CYP3A4: variants seen among roughly 807,000 people sequenced by gnomAD.
The protein encoded by CYP3A4 is cytochrome P450 3A4.
Under a neutral mutation model 54.9 loss-of-function variants are expected in CYP3A4, and 41 were observed. The ratio of observed to expected loss-of-function variants is 0.75; its 90% confidence interval spans 0.58 to 0.97. The LOEUF is 0.97. CYP3A4 is among the 50% of genes least tolerant of loss of function. The pLI is 0.00. For missense variants in CYP3A4, 510 were observed against 597.3 expected (o/e 0.85, Z 1.52); for synonymous variants, 179 against 205.2 (o/e 0.87, Z 1.09).
In CYP3A4 at chr7:99,767,157, C is replaced by A. The variant is rs1815495815; in HGVS notation, c.772G>T (p.Glu258Ter). 2 of 1,611,408 alleles carry A rather than the reference C, an allele frequency of 1.2e-6. No individual in the cohort carries two copies. Among genetic ancestry groups the A allele is most frequent in the African/African-American group, 1.3e-5 (1 of 74,750 alleles). ...FLRKSVKRMK[E>*]SRLEDTQKHR... The stretch of plus-strand genomic sequence containing the variant: ...TTTTGTGTATCTTCGAGGCGACTTT[C>A]TTTCATCCTTTTTACAGATTTTCTT... The change falls in exon 8 of 13, where the codon GAA becomes TAA. Residue 258 changes from glutamate (E) to a stop codon, truncating the protein, a stop_gained. Transcript: ENST00000651514. LOFTEE classifies it high-confidence loss of function.
intron 12 of CYP3A4, among the ~76,000 whole-genome samples, chr7:99,759,799 G>A (rs1356782010): frequency 6.6e-6 from 1 of 151,938 alleles, no homozygotes; most frequent in Non-Finnish European, 1.5e-5. Context: ...GATTGAACTA[G>A]GACTTGAAAG....
chr7:99,772,617 T>A lies in CYP3A4; in HGVS notation c.291A>T (p.Glu97Asp), dbSNP rs1460525618. 6.2e-7 allele frequency: 1 copy of A among 1,613,126 alleles called. No homozygotes were observed. Among genetic ancestry groups the A allele is most frequent in the African/African-American group, 1.3e-5 (1 of 74,864 alleles). The change falls in exon 4 of 13, where the codon GAA becomes GAT. Residue 97 changes from glutamate to aspartate, a missense_variant. Physicochemically the swap from Glu to Asp is conservative, Grantham distance 45. Around this residue, in one of 2 missense-constraint regions of CYP3A4, gnomAD observed 272 missense variants for 274.9 expected, o/e 0.99. Transcript: ENST00000651514. Reference protein sequence around the residue: ...PDMIKTVLVKECYSVFTNRRP... With the variant: ...PDMIKTVLVKDCYSVFTNRRP... ...TCCGGTTTGTGAAGACAGAATAACA[T>A]TCTTTCACTAGCACTGTTTTGATCA...
At chr7:99,758,386 C>T (rs1034067868) in intron 12 of CYP3A4, among the ~76,000 whole-genome samples, 158 bp from the exon 13 acceptor site, 2 of 151,934 alleles carry the variant, frequency 1.3e-5, no homozygotes, top group African/African-American at 2.4e-5. Context: ...GCAGTAATGA[C>T]AATAATGCTT....
At chr7:99,771,887 C>CAA (rs1388945524) in intron 4 of CYP3A4, among the ~76,000 whole-genome samples, 1 of 151,470 alleles carries the variant, frequency 6.6e-6, no homozygotes, top group East Asian at 1.9e-4. Flanking sequence ...CCATAAGCCA[C>CAA]AAAAAAAATG....
chr7:99,777,476 TTGTGTGTGTGTGTGTG>T (rs10554527), intron 3 of CYP3A4, among the ~76,000 whole-genome samples: 32 of 146,712 alleles, frequency 2.2e-4, no homozygotes, highest in South Asian at 4.4e-4. Flanking sequence ...ATGTCACTAG[TTGTGTGTGTGTGTGTG>T]TGTGTGTGTG....
chr7:99,762,336 A>G, intron 10 of CYP3A4, 69 bp from the exon 11 acceptor site: 2 of 1,554,060 alleles, frequency 1.3e-6, no homozygotes, highest in South Asian at 2.3e-5. Context: ...TCCATGCAGT[A>G]CTAATGAAGT....
Position 99,772,672 on chromosome 7 carries a change from T to C in CYP3A4, c.236A>G (p.Gln79Arg), listed in dbSNP as rs751832143. 6 of 1,613,408 alleles carry C rather than the reference T, an allele frequency of 3.7e-6. No individual in the cohort carries two copies. Among genetic ancestry groups the C allele is most frequent in the Non-Finnish European group, 5.1e-6 (6 of 1,179,444 alleles). The change falls in exon 4 of 13, where the codon CAG becomes CGG. Residue 79 changes from glutamine (Q) to arginine (R), a missense_variant. Gln to Arg is a conservative substitution (Grantham distance 43, BLOSUM62 1). Around this residue, in one of 2 missense-constraint regions of CYP3A4, gnomAD observed 272 missense variants for 274.9 expected, o/e 0.99. Coordinates refer to ENST00000651514, the MANE Select transcript of CYP3A4 (RefSeq NM_017460.6). ...AGGATCTGTGATAGCCAGCACAGGC[T>C]GTTGACCATCATAAAAGCTGTGTGA... ...GKVWGFYDGQ[Q>R]PVLAITDPDM...
At position 99,757,958 on chromosome 7, in the gene CYP3A4, A is replaced by G; in HGVS notation, c.*175T>C. The G allele has an allele frequency of 1.7e-6, 1 of 599,878 alleles. No individual in the cohort carries two copies. 37.2% of individuals were successfully genotyped at this position (599,878 alleles called of 1,614,324 possible). A position where few individuals can be genotyped will look rare whatever the true frequency, so the allele number is the denominator to read the frequency against. On this transcript the variant is annotated 3_prime_UTR_variant, in exon 13 of 13. Transcript: ENST00000651514. ...CCTCCTTTATATTCCCAAGTATAAC[A>G]CTCTACACAGACAATGAGAGAGCTC...
At chr7:99,770,014 C>T (rs1815587875) in intron 5 of CYP3A4, 108 bp downstream of exon 5, 1 of 1,524,960 alleles carries the variant, frequency 6.6e-7, no homozygotes, top group South Asian at 1.1e-5. Context: ...TTAGGCAGCT[C>T]AAATTCAGTG....
intron 3 of CYP3A4, among the ~76,000 whole-genome samples, chr7:99,773,362 G>A (rs1323682146): frequency 1.3e-5 from 2 of 152,144 alleles, no homozygotes; most frequent in Admixed American, 6.6e-5. Context: ...GACATCTACA[G>A]AAATCTCCAC....
Position 99,770,470 on chromosome 7 carries a change from C to T in CYP3A4, c.319-235G>A, listed in dbSNP as rs1339284808. Among the ~76,000 whole-genome samples, 13 of 152,238 alleles carry T rather than the reference C, an allele frequency of 8.5e-5. No homozygotes were observed. In the East Asian group the frequency reaches 1.2e-3, roughly 14 times the overall value. ...GGCAGTGTTCAGGAGACCCTGATGTCGTCTCCAGCCTCTATATCCCAGTCT... is the reference window on the plus strand; with the variant it reads ...GGCAGTGTTCAGGAGACCCTGATGTTGTCTCCAGCCTCTATATCCCAGTCT... On this transcript the variant is annotated intron_variant, in intron 4 of 12. Coordinates refer to ENST00000651514, the MANE Select transcript of CYP3A4 (RefSeq NM_017460.6).
intron 3 of CYP3A4, among the ~76,000 whole-genome samples, chr7:99,775,701 T>C (rs1035496762): frequency 2.0e-5 from 3 of 152,134 alleles, no homozygotes; most frequent in Non-Finnish European, 1.5e-5. Flanking sequence ...TCAAGATGGA[T>C]TAAAGACTTA....
At chr7:99,766,540 GCTC>G (rs1815482144) in intron 8 of CYP3A4, 97 bp from the exon 9 acceptor site, 3 of 1,449,158 alleles carry the variant, frequency 2.1e-6, no homozygotes, top group Non-Finnish European at 2.9e-6. Flanking sequence ...TGAGAATATG[GCTC>G]CTTGAAGACC....
intron 1 of CYP3A4, among the ~76,000 whole-genome samples, chr7:99,782,107 C>T (rs1472875015): frequency 6.6e-6 from 1 of 152,222 alleles, no homozygotes; most frequent in Non-Finnish European, 1.5e-5. Context: ...ACTCCTGTTC[C>T]TTCCTTTGTT....
chr7:99,761,747 T>C (rs1584540217), intron 11 of CYP3A4, among the ~76,000 whole-genome samples: 4 of 152,310 alleles, frequency 2.6e-5, no homozygotes, highest in Admixed American at 2.6e-4. Context: ...AATAGCATTG[T>C]GATCATGTGT....
intron 11 of CYP3A4, among the ~76,000 whole-genome samples, chr7:99,761,425 C>T (rs1280620672): frequency 6.6e-6 from 1 of 152,038 alleles, no homozygotes; most frequent in Non-Finnish European, 1.5e-5. Flanking sequence ...CTTCTCATCT[C>T]CTCTCTTGTT....
In CYP3A4 at chr7:99,780,030, G is replaced by C; in HGVS notation, c.127C>G (p.Pro43Ala). The change falls in exon 2 of 13, where the codon CCT (proline) becomes GCT (alanine). Residue 43 changes from proline (P) to alanine (A), a missense_variant. This residue lies in a region of CYP3A4 where 272 missense variants were observed against 274.9 expected (regional missense o/e 0.99). Transcript: ENST00000651514. ...AAAATATTTCCCAAAAAAGGCAGAG[G>C]TGTGGGCCCTGGAATTCCAAGCTTC... is the stretch of plus-strand genomic sequence containing the variant. ...FKKLGIPGPT[P>A]LPFLGNILSY... 6 of 1,613,686 alleles carry C rather than the reference G, an allele frequency of 3.7e-6. No homozygotes were observed. The highest frequency in any genetic ancestry group is 5.1e-6 in the Non-Finnish European group (6 of 1,179,708).
intron 2 of CYP3A4, among the ~76,000 whole-genome samples, chr7:99,778,490 G>T (rs535289719): frequency 6.6e-6 from 1 of 152,282 alleles, no homozygotes; most frequent in African/African-American, 2.4e-5. Context: ...TTATCTCTTT[G>T]TCATCCTTTT....
chr7:99,779,401 G>T (rs946070318), intron 2 of CYP3A4, among the ~76,000 whole-genome samples: 35 of 152,178 alleles, frequency 2.3e-4, no homozygotes, highest in African/African-American at 8.4e-4. Context: ...AGCTGCAAAA[G>T]ATGTCATGGG....
Sources: gnomAD v4.1 joint callset for allele counts (sites outside exome capture counted in the v4.1 genomes callset) on GRCh38, gnomAD v4.1.1 for gene constraint, gnomAD v4.1.1 regional missense constraint, MANE v1.5 for transcripts, NCBI Gene and HGNC (gene_info 2026-07-23, HGNC 2026-07-21) for gene names.